Variants in EEF1D observed in about 807,000 individuals in gnomAD.
EEF1D encodes the protein eukaryotic translation elongation factor 1 delta.
In EEF1D, 47 loss-of-function variants were observed where a neutral mutation model predicts 63.9. The observed-to-expected ratio is 0.74, with a 90% confidence interval of 0.58 to 0.94. The LOEUF is 0.94. EEF1D is among the 40% of genes least tolerant of loss of function. EEF1D has a pLI of 0.00. For missense variants in EEF1D, 907 were observed against 899.0 expected (o/e 1.01, Z -0.11); for synonymous variants, 412 against 386.1 (o/e 1.07, Z -0.79).
Position 143,597,328 on chromosome 8 carries a change from G to A in EEF1D, c.-15+20C>T, listed in dbSNP as rs1829018625. ...TCTCTGTCGCGCCCGACTCCTTCCG[G>A]CGGGGGCCGCGGTACTCACACGCCA... On this transcript the variant is annotated intron_variant, in intron 1 of 9. Coordinates refer to ENST00000618139, the MANE Select transcript of EEF1D (RefSeq NM_001130053.5). 1 of 152,176 alleles carries A rather than the reference G, an allele frequency of 6.6e-6. No individual in the cohort carries two copies. Among genetic ancestry groups the A allele is most frequent in the African/African-American group, 2.4e-5 (1 of 41,458 alleles). 9.4% of individuals were successfully genotyped at this position (152,176 alleles called of 1,614,324 possible). A position where few individuals can be genotyped will look rare whatever the true frequency, so the allele number is the denominator to read the frequency against.
chr8:143,581,017 G>A lies in EEF1D; in HGVS notation c.1488+37C>T, dbSNP rs79917425. The A allele has an allele frequency of 2.3e-3, 3,690 of 1,594,508 alleles. 74 individuals carry two copies. The African/African-American group carries it at 0.042, about 18-fold the overall frequency. On this transcript the variant is annotated intron_variant, in intron 7 of 9. Transcript: ENST00000618139. ...GACGTGGAAGCCAGCAGGGCCACGT[G>A]GTCCCCTGCAGTGTCAGGCGTGGGG...
At position 143,589,352 on chromosome 8, in the gene EEF1D, T is replaced by A; in HGVS notation, c.730A>T (p.Arg244Trp). ...TCAAACAGGGCCTCGTAGAAGCCCC[T>A]CTCGGCTGCATCATACCGGGGCTTC... ...LEKPRYDAAE[R>W]GFYEALFDGH... The change falls in exon 3 of 10, where the codon AGG (arginine) becomes TGG (tryptophan). Residue 244 changes from arginine (R) to tryptophan (W), a missense_variant. Coordinates refer to ENST00000618139, the MANE Select transcript of EEF1D (RefSeq NM_001130053.5). The A allele has an allele frequency of 1.9e-6, 3 of 1,576,060 alleles. No individual in the cohort carries two copies. The highest frequency in any genetic ancestry group is 2.6e-6 in the Non-Finnish European group (3 of 1,159,120).
At position 143,586,715 on chromosome 8, in the gene EEF1D, C is replaced by T. The variant is rs375336372; in HGVS notation, c.1215+14G>A. 1.1e-5 allele frequency: 17 copies of T among 1,611,130 alleles called. No individual in the cohort carries two copies. Among genetic ancestry groups the T allele is most frequent in the South Asian group, 3.3e-5 (3 of 91,048 alleles). ...GCAGCAGAGCCGCCCAGCCGCCCCA[C>T]GTGCAGCTCTCACCTGGCGGGAGGC... On this transcript the variant is annotated intron_variant, in intron 4 of 9. Coordinates refer to ENST00000618139, the MANE Select transcript of EEF1D (RefSeq NM_001130053.5).
chr8:143,595,579 A>C (rs1024936348), intron 1 of EEF1D, among the ~76,000 whole-genome samples: 2 of 152,170 alleles, frequency 1.3e-5, no homozygotes, highest in Admixed American at 1.3e-4. Context: ...TGACCCCTGG[A>C]TATTCCAGCC....
intron 1 of EEF1D, chr8:143,593,909 G>C (rs1321694679): frequency 1.0e-6 from 1 of 985,330 alleles, no homozygotes; most frequent in Non-Finnish European, 1.2e-6. Context: ...TCCTAACAGA[G>C]ACCAAGTCTG....
At chr8:143,592,864 T>C in intron 1 of EEF1D, 1 of 186,260 alleles carries the variant, frequency 5.4e-6, no homozygotes, top group Non-Finnish European at 1.0e-5. Context: ...GGCAGCTGAG[T>C]CCACACAGGT....
In EEF1D at chr8:143,579,789, G is replaced by C; in HGVS notation, c.*3C>G. On this transcript the variant is annotated 3_prime_UTR_variant, in exon 10 of 10. Coordinates refer to ENST00000618139, the MANE Select transcript of EEF1D (RefSeq NM_001130053.5). ...CACGCGCGCACGTACACACACTCAG[G>C]CTTCAGATCTTGTTGAAAGCTGCGA... 1 of 1,558,868 alleles carries C rather than the reference G, an allele frequency of 6.4e-7. No homozygotes were observed. The highest frequency in any genetic ancestry group is 8.7e-7 in the Non-Finnish European group (1 of 1,151,092).
At position 143,579,823 on chromosome 8, in the gene EEF1D, C is replaced by G. The variant is rs1274661418; in HGVS notation, c.1913G>C (p.Ser638Thr). 1 of 1,566,628 alleles carries G rather than the reference C, an allele frequency of 6.4e-7. No individual in the cohort carries two copies. Among genetic ancestry groups the G allele is most frequent in the Non-Finnish European group, 8.7e-7 (1 of 1,153,710 alleles). Residue 638 changes from serine to threonine, a missense_variant, in exon 10 of 10, where the codon AGT (serine) becomes ACT (threonine). Ser to Thr is a moderately conservative substitution (Grantham distance 58). Coordinates refer to ENST00000618139, the MANE Select transcript of EEF1D (RefSeq NM_001130053.5). Reference sequence around the variant, plus strand: ...CTTGTTGAAAGCTGCGATATCGACACTCTGCACCTGAGGAGAGGCGGAGGG... The same window carrying G: ...CTTGTTGAAAGCTGCGATATCGACAGTCTGCACCTGAGGAGAGGCGGAGGG... ...EITKFEEHVQ[S>T]VDIAAFNKI
chr8:143,586,728 C>A lies in EEF1D; in HGVS notation c.1215+1G>T. On this transcript the variant is annotated splice_donor_variant, in intron 4 of 9. Coordinates refer to ENST00000618139, the MANE Select transcript of EEF1D (RefSeq NM_001130053.5). LOFTEE classifies it high-confidence loss of function. ...CCAGCCGCCCCACGTGCAGCTCTCACCTGGCGGGAGGCACCTGCCACAGGC... is the reference window on the plus strand; with the variant it reads ...CCAGCCGCCCCACGTGCAGCTCTCAACTGGCGGGAGGCACCTGCCACAGGC... 1 of 1,613,084 alleles carries A rather than the reference C, an allele frequency of 6.2e-7. No homozygotes were observed. The highest frequency in any genetic ancestry group is 8.5e-7 in the Non-Finnish European group (1 of 1,179,966).
At chr8:143,585,375 A>G (rs1826373902) in intron 5 of EEF1D, among the ~76,000 whole-genome samples, 1 of 152,140 alleles carries the variant, frequency 6.6e-6, no homozygotes, top group African/African-American at 2.4e-5. Flanking sequence ...ATCCACCAGA[A>G]TCTGGGAGAG....
Position 143,589,211 on chromosome 8 carries a change from G to T in EEF1D, c.871C>A (p.Leu291Met). The T allele has an allele frequency of 6.3e-7, 1 of 1,583,910 alleles. No homozygotes were observed. Among genetic ancestry groups the T allele is most frequent in the Non-Finnish European group, 8.6e-7 (1 of 1,163,722 alleles). Residue 291 changes from leucine (L) to methionine (M), a missense_variant, in exon 3 of 10, where the codon CTG (leucine) becomes ATG (methionine). Coordinates refer to ENST00000618139, the MANE Select transcript of EEF1D (RefSeq NM_001130053.5). ...RNILGNKRAGLRRADGEAPSA... is the reference protein window; with the variant it reads ...RNILGNKRAGMRRADGEAPSA... Reference sequence around the variant, plus strand: ...GGGGCCTCCCCATCGGCCCGTCGCAGCCCGGCCCGCTTGTTCCCTAAGATG... The same window carrying T: ...GGGGCCTCCCCATCGGCCCGTCGCATCCCGGCCCGCTTGTTCCCTAAGATG...
At chr8:143,596,474 C>CAGCT (rs1275854071) in intron 1 of EEF1D, 1 of 152,372 alleles carries the variant, frequency 6.6e-6, no homozygotes, top group African/African-American at 2.4e-5. Flanking sequence ...GCCTGCGAGC[C>CAGCT]AGCTGCTTAA....
chr8:143,590,503 C>A, intron 2 of EEF1D: 1 of 1,186,634 alleles, frequency 8.4e-7, no homozygotes, highest in Non-Finnish European at 1.1e-6. Flanking sequence ...CAGGCCAGGC[C>A]TGGCCACCCC....
At chr8:143,592,784 G>T in intron 1 of EEF1D, 124 bp from the exon 2 acceptor site, 1 of 798,984 alleles carries the variant, frequency 1.3e-6, no homozygotes, top group Non-Finnish European at 1.5e-6. Context: ...TGGCGAGGTG[G>T]TGTGGAGGTG....
chr8:143,590,213 TC>T, intron 2 of EEF1D, 132 bp from the exon 3 acceptor site: 1 of 1,237,682 alleles, frequency 8.1e-7, no homozygotes, highest in Non-Finnish European at 1.1e-6. Context: ...CTGAGGATGC[TC>T]CCCAGTGGGG....
chr8:143,592,081 G>A, intron 2 of EEF1D: 2 of 985,424 alleles, frequency 2.0e-6, no homozygotes, highest in Non-Finnish European at 2.4e-6. Context: ...GGCTGGGGCA[G>A]CACTTACCAA....
At chr8:143,587,738 T>C (rs1423650314) in intron 3 of EEF1D, among the ~76,000 whole-genome samples, 1 of 152,258 alleles carries the variant, frequency 6.6e-6, no homozygotes, top group Non-Finnish European at 1.5e-5. Flanking sequence ...ACAGGGACCA[T>C]GGCCCGCAGG....
chr8:143,580,734 CAG>C lies in EEF1D; in HGVS notation c.1489-9_1489-8del, dbSNP rs769204700. The C allele has an allele frequency of 1.2e-6, 2 of 1,612,256 alleles. No individual in the cohort carries two copies. Among genetic ancestry groups the C allele is most frequent in the African/African-American group, 1.3e-5 (1 of 74,934 alleles). On this transcript the variant is annotated splice_polypyrimidine_tract_variant and splice_region_variant and intron_variant, in intron 7 of 9. Coordinates refer to ENST00000618139, the MANE Select transcript of EEF1D (RefSeq NM_001130053.5). Reference sequence around the variant, plus strand: ...GGCGCATGGGAGATACGTGCTGCCACAGGGGAAGGGACAGGAGGCACGGCTGA... The same window carrying C: ...GGCGCATGGGAGATACGTGCTGCCACGGGAAGGGACAGGAGGCACGGCTGA...
In EEF1D at chr8:143,586,793, T is replaced by C; in HGVS notation, c.1151A>G (p.Tyr384Cys). The C allele has an allele frequency of 1.2e-6, 2 of 1,614,210 alleles. No homozygotes were observed. Among genetic ancestry groups the C allele is most frequent in the Non-Finnish European group, 8.5e-7 (1 of 1,180,018 alleles). The change falls in exon 4 of 10, where the codon TAT becomes TGT. Residue 384 changes from tyrosine (Y) to cysteine (C), a missense_variant. Physicochemically the swap from Tyr to Cys is radical, Grantham distance 194 (BLOSUM62 -2). Coordinates refer to ENST00000618139, the MANE Select transcript of EEF1D (RefSeq NM_001130053.5). ...GTAGAATCTCCTTTCTGCGTCGTCA[T>C]ATTTGAACTTGTCGAACCAGATCTT... ...HEKIWFDKFK[Y>C]DDAERRFYEQ... is the part of the protein sequence containing the mutation.
Sources: gnomAD v4.1 joint callset for allele counts (sites outside exome capture counted in the v4.1 genomes callset) on GRCh38, gnomAD v4.1.1 for gene constraint, MANE v1.5 for transcripts, NCBI Gene and HGNC (gene_info 2026-07-23, HGNC 2026-07-21) for gene names.